CDH8: variants seen among roughly 807,000 people sequenced by gnomAD.
The protein encoded by CDH8 is cadherin 8.
In CDH8, 17 loss-of-function variants were observed where a neutral mutation model predicts 68.1. The observed-to-expected ratio is 0.25, with a 90% CI of 0.17 to 0.37. The LOEUF (loss-of-function observed/expected upper bound fraction) is 0.37, where lower values mean the gene tolerates loss of function less well. CDH8 is among the 10% of genes least tolerant of loss of function. The probability of loss-of-function intolerance (pLI) is 1.00; values close to 1 mark genes in which losing one functional copy is unlikely to be tolerated. For synonymous variants in CDH8, 372 were observed against 365.1 expected (o/e 1.02, Z -0.21); for missense variants, 763 against 999.3 (o/e 0.76, Z 3.19).
At chr16:62,018,399 T>C (rs1415526771) in intron 2 of CDH8, among the ~76,000 whole-genome samples, 1 of 152,024 alleles carries the variant, frequency 6.6e-6, no homozygotes, top group Non-Finnish European at 1.5e-5. Context: ...TGCTCATAAG[T>C]AAGTAATGCT....
At chr16:61,993,701 A>T (rs1355204762) in intron 2 of CDH8, among the ~76,000 whole-genome samples, 1 of 152,148 alleles carries the variant, frequency 6.6e-6, no homozygotes, top group African/African-American at 2.4e-5. Flanking sequence ...ACTGTTATCA[A>T]GTTATATTTT....
intron 9 of CDH8, among the ~76,000 whole-genome samples, chr16:61,716,631 A>G (rs1211123195): frequency 6.6e-6 from 1 of 151,710 alleles, no homozygotes; most frequent in African/African-American, 2.4e-5. Flanking sequence ...AAGAGGCTTT[A>G]TATTGTCAAG....
At chr16:61,750,053 TC>T (rs1432754011) in intron 8 of CDH8, among the ~76,000 whole-genome samples, 5 of 152,042 alleles carry the variant, frequency 3.3e-5, no homozygotes, top group Admixed American at 1.3e-4. Context: ...CAACCCTTTG[TC>T]CCCCTGTCTC....
At chr16:61,989,162 G>A (rs962640728) in intron 2 of CDH8, among the ~76,000 whole-genome samples, 2 of 152,096 alleles carry the variant, frequency 1.3e-5, no homozygotes, top group Admixed American at 1.3e-4. Context: ...TTAGTCAGAT[G>A]GAGAAAGATA....
At chr16:61,681,654 T>C (rs565334911) in intron 10 of CDH8, among the ~76,000 whole-genome samples, 11 of 151,710 alleles carry the variant, frequency 7.3e-5, no homozygotes, top group African/African-American at 2.7e-4. Flanking sequence ...TACCACAAAA[T>C]GGGCAAATTT....
At chr16:61,733,792 A>C (rs1310356806) in intron 8 of CDH8, among the ~76,000 whole-genome samples, 1 of 151,842 alleles carries the variant, frequency 6.6e-6, no homozygotes, top group Admixed American at 6.6e-5. Context: ...TTCTTTTCAA[A>C]ATTATGTGGT....
At chr16:61,844,812 C>A (rs1962769633) in intron 4 of CDH8, among the ~76,000 whole-genome samples, 1 of 152,142 alleles carries the variant, frequency 6.6e-6, no homozygotes, top group Non-Finnish European at 1.5e-5. Flanking sequence ...AAAACACGAC[C>A]TGTGGCACAT....
At chr16:61,857,858 T>C (rs1311071929) in intron 3 of CDH8, among the ~76,000 whole-genome samples, 1 of 152,058 alleles carries the variant, frequency 6.6e-6, no homozygotes, top group Non-Finnish European at 1.5e-5. Context: ...TTATGGAGTA[T>C]ATATATAAAA....
At chr16:61,761,324 T>A (rs1960461571) in intron 8 of CDH8, among the ~76,000 whole-genome samples, 1 of 152,200 alleles carries the variant, frequency 6.6e-6, no homozygotes, top group Non-Finnish European at 1.5e-5. Flanking sequence ...AAACAGTCTT[T>A]CTGTTTGATT....
intron 2 of CDH8, among the ~76,000 whole-genome samples, chr16:62,015,567 A>T (rs1165884648): frequency 6.6e-6 from 1 of 152,210 alleles, no homozygotes; most frequent in Non-Finnish European, 1.5e-5. Flanking sequence ...CAGATCTCCA[A>T]GAGATCCTTG....
chr16:61,792,671 C>T (rs540077021), intron 7 of CDH8, among the ~76,000 whole-genome samples: 15 of 152,062 alleles, frequency 9.9e-5, no homozygotes, highest in East Asian at 5.8e-4. Context: ...AATGAATACT[C>T]GCTTCTGAGT....
chr16:61,851,936 A>G (rs546535611), intron 4 of CDH8, among the ~76,000 whole-genome samples: 1 of 152,034 alleles, frequency 6.6e-6, no homozygotes, highest in Non-Finnish European at 1.5e-5. Context: ...AAATTGAGGT[A>G]TGGGATCAGG....
chr16:62,017,838 C>A (rs1201812846), intron 2 of CDH8, among the ~76,000 whole-genome samples: 2 of 152,066 alleles, frequency 1.3e-5, no homozygotes, highest in Non-Finnish European at 2.9e-5. Context: ...CACTTCACTT[C>A]CCACCCCACA....
chr16:61,736,560 A>G (rs1959692031), intron 8 of CDH8, among the ~76,000 whole-genome samples: 1 of 152,180 alleles, frequency 6.6e-6, no homozygotes, highest in Non-Finnish European at 1.5e-5. Context: ...CAGAAAAAAC[A>G]ATAAAACAAA....
At chr16:61,654,920 G>A (rs940640878) in intron 11 of CDH8, among the ~76,000 whole-genome samples, 1 of 152,148 alleles carries the variant, frequency 6.6e-6, no homozygotes, top group African/African-American at 2.4e-5. Flanking sequence ...TAATTAAAAG[G>A]TTATAGAATC....
intron 4 of CDH8, among the ~76,000 whole-genome samples, chr16:61,856,289 T>C (rs538120747): frequency 6.6e-6 from 1 of 152,240 alleles, no homozygotes; most frequent in African/African-American, 2.4e-5. Flanking sequence ...AAAAAATTGC[T>C]TTTTAAACAA....
chr16:61,886,467 T>C lies in CDH8; in HGVS notation c.547+14712A>G, dbSNP rs191679547. ...CCAAGGCATCCAGCAGACTACTTTATATTTCTCAGGAAATGTTTGTTTTTA... is the reference window on the plus strand; with the variant it reads ...CCAAGGCATCCAGCAGACTACTTTACATTTCTCAGGAAATGTTTGTTTTTA... On this transcript the variant is annotated intron_variant, in intron 3 of 11. Transcript: ENST00000577390. Among the ~76,000 whole-genome samples, 189 of 152,362 alleles carry C rather than the reference T, an allele frequency of 1.2e-3. 1 individual carries two copies. Among genetic ancestry groups the C allele is most frequent in the Middle Eastern group, 3.4e-3 (1 of 294 alleles).
intron 8 of CDH8, among the ~76,000 whole-genome samples, chr16:61,753,209 T>C (rs1434918476): frequency 6.6e-6 from 1 of 151,818 alleles, no homozygotes; most frequent in Non-Finnish European, 1.5e-5. Flanking sequence ...ATGAAAGCCA[T>C]GCATTATTAT....
At chr16:61,748,916 G>A (rs758768607) in intron 8 of CDH8, among the ~76,000 whole-genome samples, 1 of 152,002 alleles carries the variant, frequency 6.6e-6, no homozygotes, top group Non-Finnish European at 1.5e-5. Flanking sequence ...GGTCAAATAT[G>A]CCCTAAAATA....
Sources: gnomAD v4.1 joint callset for allele counts (sites outside exome capture counted in the v4.1 genomes callset) on GRCh38, gnomAD v4.1.1 for gene constraint, MANE v1.5 for transcripts, NCBI Gene and HGNC (gene_info 2026-07-23, HGNC 2026-07-21) for gene names.